Variants in CASTOR2 observed in about 807,000 individuals in gnomAD.
CASTOR2 encodes the protein cytosolic arginine sensor for mTORC1 subunit 2.
CASTOR2 carries 8 observed loss-of-function variants against 31.2 expected under a neutral mutation model. That is an observed-to-expected ratio of 0.26 (90% confidence interval 0.15 to 0.46). CASTOR2 has a LOEUF of 0.46. Among genes scored for constraint, CASTOR2 ranks in the 20% least tolerant of loss-of-function variants. The pLI, the probability that CASTOR2 is intolerant of heterozygous loss-of-function variation, is 0.99. For synonymous variants in CASTOR2, 162 were observed against 158.7 expected (o/e 1.02, Z -0.16); for missense variants, 216 against 382.1 (o/e 0.57, Z 3.62).
chr7:75,001,426 T>C (rs1804493298), intron 1 of CASTOR2, among the ~76,000 whole-genome samples: 1 of 152,280 alleles, frequency 6.6e-6, no homozygotes, highest in South Asian at 2.1e-4. Context: ...CTGGGTACTT[T>C]CTGGCATTTG....
intron 2 of CASTOR2, among the ~76,000 whole-genome samples, chr7:75,016,323 G>A (rs1273989010): frequency 6.6e-6 from 1 of 152,202 alleles, no homozygotes; most frequent in African/African-American, 2.4e-5. Context: ...CCAGCGTTTG[G>A]ATTCTGGGTT....
At chr7:75,014,714 C>T (rs1262574095) in intron 2 of CASTOR2, among the ~76,000 whole-genome samples, 128 of 152,330 alleles carry the variant, frequency 8.4e-4, no homozygotes, top group Non-Finnish European at 1.3e-3. Flanking sequence ...ACCTGAAATC[C>T]TCCAGCCAGC....
Position 75,018,006 on chromosome 7 carries a change from T to C in CASTOR2, c.395T>C (p.Leu132Pro). The C allele has an allele frequency of 6.2e-7, 1 of 1,614,218 alleles. No homozygotes were observed. Among genetic ancestry groups the C allele is most frequent in the Non-Finnish European group, 8.5e-7 (1 of 1,180,028 alleles). Residue 132 changes from leucine to proline, a missense_variant, in exon 4 of 9, where the codon CTG becomes CCG. Physicochemically the swap from Leu to Pro is moderately conservative, Grantham distance 98. Around this residue, in one of 5 missense-constraint regions of CASTOR2, gnomAD observed 114 missense variants for 194.2 expected, o/e 0.59. Transcript: ENST00000616305. ...TDFILVRERD[L>P]PFVTHTLSSE... Reference sequence around the variant, plus strand: ...TGCCCCTAGGTGCGCGAGCGGGACCTGCCCTTTGTCACCCACACATTGTCA... The same window carrying C: ...TGCCCCTAGGTGCGCGAGCGGGACCCGCCCTTTGTCACCCACACATTGTCA...
intron 1 of CASTOR2, among the ~76,000 whole-genome samples, chr7:75,006,062 G>A (rs1274248064): frequency 5.3e-5 from 8 of 152,172 alleles, no homozygotes; most frequent in Admixed American, 2.6e-4. Flanking sequence ...CCTGGGAGGC[G>A]GAGGTTGCAG....
chr7:75,011,428 C>CA (rs1294488684), intron 2 of CASTOR2, among the ~76,000 whole-genome samples: 10,069 of 65,008 alleles, frequency 0.15, 652 homozygotes, highest in Non-Finnish European at 0.2. Flanking sequence ...GACTCCATCT[C>CA]AAAAAAAAAA....
chr7:74,989,642 C>T (rs1292253100), intron 1 of CASTOR2, among the ~76,000 whole-genome samples: 1 of 151,324 alleles, frequency 6.6e-6, no homozygotes, highest in South Asian at 2.1e-4. Context: ...TCTTGAACTC[C>T]CGACTTCAAG....
intron 1 of CASTOR2, among the ~76,000 whole-genome samples, chr7:74,977,322 G>A (rs587732070): frequency 1.3e-5 from 2 of 151,764 alleles, no homozygotes; most frequent in South Asian, 4.2e-4. Flanking sequence ...CTGGGCCAGT[G>A]GGATTCTGGG....
At chr7:75,014,601 A>C (rs1239279824) in intron 2 of CASTOR2, among the ~76,000 whole-genome samples, 1 of 152,010 alleles carries the variant, frequency 6.6e-6, no homozygotes, top group Non-Finnish European at 1.5e-5. Flanking sequence ...CTCAAAAAAA[A>C]AGGAAGCAAC....
In CASTOR2 at chr7:75,017,923, G is replaced by T. The variant is rs1252735152; in HGVS notation, c.379-67G>T. 1.4e-5 allele frequency: 22 copies of T among 1,613,694 alleles called. No homozygotes were observed. The Middle Eastern group carries it at 6.6e-4, about 48-fold the overall frequency. ...TGGGGGCAGAGTCTCAGGGTGAGAG[G>T]TCGGTGCCCCAGACCCACATCCCCC... On this transcript the variant is annotated intron_variant, in intron 3 of 8. Transcript: ENST00000616305.
chr7:74,973,395 C>T (rs1222224677), intron 1 of CASTOR2, among the ~76,000 whole-genome samples: 1 of 96,126 alleles, frequency 1.0e-5, no homozygotes, highest in Non-Finnish European at 1.9e-5. Context: ...GGCTGGAGTG[C>T]AGTGGCATGA....
chr7:75,005,059 G>T (rs1804576641), intron 1 of CASTOR2, among the ~76,000 whole-genome samples: 1 of 151,540 alleles, frequency 6.6e-6, no homozygotes, highest in African/African-American at 2.4e-5. Flanking sequence ...TAGAGACAGG[G>T]TTTCACCATG....
intron 1 of CASTOR2, among the ~76,000 whole-genome samples, chr7:74,989,686 G>T (rs1305355155): frequency 6.6e-6 from 1 of 151,856 alleles, no homozygotes; most frequent in Non-Finnish European, 1.5e-5. Flanking sequence ...AGAATGTTGG[G>T]TATGGGTATG....
At position 74,989,775 on chromosome 7, in the gene CASTOR2, G is replaced by A. The variant is rs1487374348; in HGVS notation, c.114-18219G>A. Among the ~76,000 whole-genome samples, 6 of 151,980 alleles carry A rather than the reference G, an allele frequency of 3.9e-5. No individual in the cohort carries two copies. In the South Asian group the frequency reaches 6.2e-4, roughly 16 times the overall value. On this transcript the variant is annotated intron_variant, in intron 1 of 8. Coordinates refer to ENST00000616305, the MANE Select transcript of CASTOR2 (RefSeq NM_001145064.3). Reference sequence around the variant, plus strand: ...AACCAGGCAGAAAATAGGACATAATGTGTGTGTTTCCATGGATTTGAAGCA... The same window carrying A: ...AACCAGGCAGAAAATAGGACATAATATGTGTGTTTCCATGGATTTGAAGCA...
intron 2 of CASTOR2, among the ~76,000 whole-genome samples, chr7:75,013,337 A>G (rs1554439650): frequency 2.4e-4 from 37 of 152,302 alleles, no homozygotes; most frequent in African/African-American, 7.2e-4. Flanking sequence ...TCCTTGTTCA[A>G]TGTGAACGTT....
chr7:74,970,841 G>A (rs2131912557), intron 1 of CASTOR2, among the ~76,000 whole-genome samples: 1 of 149,034 alleles, frequency 6.7e-6, no homozygotes, highest in South Asian at 2.2e-4. Context: ...AGGAGGTTTG[G>A]GTGGGAGGAT....
intron 2 of CASTOR2, among the ~76,000 whole-genome samples, chr7:75,015,568 G>A (rs1223513275): frequency 7.4e-4 from 112 of 152,114 alleles, no homozygotes; most frequent in African/African-American, 2.6e-3. Context: ...ATGAGCCACC[G>A]CCTCCAGCCT....
intron 2 of CASTOR2, among the ~76,000 whole-genome samples, chr7:75,008,511 A>G (rs1554438998): frequency 1.3e-5 from 2 of 151,640 alleles, no homozygotes; most frequent in African/African-American, 4.8e-5. Context: ...GCCTGGGCAT[A>G]GTGAGACCCC....
chr7:75,002,878 A>G (rs1367345605), intron 1 of CASTOR2, among the ~76,000 whole-genome samples: 55 of 152,230 alleles, frequency 3.6e-4, no homozygotes, highest in Non-Finnish European at 5.9e-4. Context: ...ACTTGAGGCC[A>G]GGAGTTCAAG....
chr7:75,006,802 C>A lies in CASTOR2; in HGVS notation c.114-1192C>A, dbSNP rs1327334310. On this transcript the variant is annotated intron_variant, in intron 1 of 8. Transcript: ENST00000616305. ...CTTGCCTGTTGCCATGTAAGACATG[C>A]CTTAGCTCCTTCTTTGCCTTCTGTC... Among the ~76,000 whole-genome samples the A allele has an allele frequency of 6.4e-4, 98 of 152,208 alleles. 1 individual carries two copies. The highest frequency in any genetic ancestry group is 1.2e-3 in the Non-Finnish European group (80 of 68,004).
Sources: gnomAD v4.1 joint callset for allele counts (sites outside exome capture counted in the v4.1 genomes callset) on GRCh38, gnomAD v4.1.1 for gene constraint, gnomAD v4.1.1 regional missense constraint, MANE v1.5 for transcripts, NCBI Gene and HGNC (gene_info 2026-07-23, HGNC 2026-07-21) for gene names.